The following NLGN1 variants were observed in gnomAD, a reference collection of about 807,000 sequenced individuals.
NLGN1 encodes neuroligin 1, also known as neuroligin-1.
Under a neutral mutation model 65.5 loss-of-function variants are expected in NLGN1, and 12 were observed. The ratio of observed to expected loss-of-function variants is 0.18; its 90% confidence interval spans 0.12 to 0.30. The LOEUF is 0.30. Among genes scored for constraint, NLGN1 ranks in the 10% least tolerant of loss-of-function variants. The pLI, the probability that NLGN1 is intolerant of heterozygous loss-of-function variation, is 1.00. For synonymous variants in NLGN1, 350 were observed against 359.5 expected (o/e 0.97, Z 0.30); for missense variants, 750 against 1,007.1 (o/e 0.74, Z 3.46).
intron 4 of NLGN1, among the ~76,000 whole-genome samples, chr3:173,956,876 G>A (rs1712201085): frequency 6.6e-6 from 1 of 152,012 alleles, no homozygotes; most frequent in African/African-American, 2.4e-5. Flanking sequence ...CTATAGAGAT[G>A]GGAAAATTTA....
rs548272082 is a variant in NLGN1 at position 173,940,358 on chromosome 3, G to A, written c.646+132526G>A. 7.2e-5 allele frequency among the ~76,000 whole-genome samples: 11 copies of A among 151,904 alleles called. No homozygotes were observed. In the South Asian group the frequency reaches 1.5e-3, roughly 20 times the overall value. On this transcript the variant is annotated intron_variant, in intron 4 of 6. Coordinates refer to ENST00000457714, the Ensembl canonical transcript of NLGN1. ...CCTGCCTCGGCCTCCCAAAGCACTGGGATTACAGGCATGAGCTACCATGCC... is the reference window on the plus strand; with the variant it reads ...CCTGCCTCGGCCTCCCAAAGCACTGAGATTACAGGCATGAGCTACCATGCC...
chr3:174,237,809 A>G (rs7633946), intron 4 of NLGN1, among the ~76,000 whole-genome samples: 55,413 of 152,018 alleles, frequency 0.36, 12,347 homozygotes, highest in African/African-American at 0.63. Flanking sequence ...TGCCTGCTTC[A>G]GCCTCCCAAA....
At chr3:173,939,304 A>G (rs1340648499) in intron 4 of NLGN1, among the ~76,000 whole-genome samples, 1 of 152,156 alleles carries the variant, frequency 6.6e-6, no homozygotes. Context: ...TTATCCCTTC[A>G]ACTGAAAAGA....
chr3:173,476,312 T>C (rs1033975901), intron 2 of NLGN1, among the ~76,000 whole-genome samples: 3 of 152,260 alleles, frequency 2.0e-5, no homozygotes, highest in Non-Finnish European at 4.4e-5. Flanking sequence ...TGAGTTTCCT[T>C]ATATTATTCT....
At chr3:173,596,143 G>A (rs748326224) in intron 2 of NLGN1, among the ~76,000 whole-genome samples, 24 of 151,928 alleles carry the variant, frequency 1.6e-4, no homozygotes, top group Non-Finnish European at 2.4e-4. Context: ...TTAATGTTAA[G>A]TTTTAGTTGG....
At chr3:174,289,959 A>ATATATATGTATATATATATGTGTG (rs1577845543), downstream of NLGN1, among the ~76,000 whole-genome samples, 1 of 130,150 alleles carries the variant, frequency 7.7e-6, no homozygotes, top group African/African-American at 3.6e-5. Context: ...ATATGTGTAT[A>ATATATATGTATATATATATGTGTG]TATATATATG....
intron 2 of NLGN1, among the ~76,000 whole-genome samples, chr3:173,529,141 C>T (rs1026121842): frequency 2.0e-5 from 3 of 152,114 alleles, no homozygotes; most frequent in African/African-American, 4.8e-5. Context: ...TCCCACCCCA[C>T]CTTGAGGATG....
chr3:173,688,739 A>G (rs941706023), intron 3 of NLGN1, among the ~76,000 whole-genome samples: 2 of 152,222 alleles, frequency 1.3e-5, no homozygotes, highest in African/African-American at 4.8e-5. Flanking sequence ...ATATGTTTTC[A>G]AGCTTAGGTA....
chr3:173,877,481 A>G lies in NLGN1; in HGVS notation c.646+69649A>G, dbSNP rs772001330. 4.2e-4 allele frequency among the ~76,000 whole-genome samples: 63 copies of G among 151,176 alleles called. 2 individuals carry two copies. The highest frequency in any genetic ancestry group is 2.6e-4 in the Admixed American group (4 of 15,200). ...GGTCCCAGATTAAATCCTAAAACAGAGAAAAAAAAAAAGTGAAAAAAACCC... is the reference window on the plus strand; with the variant it reads ...GGTCCCAGATTAAATCCTAAAACAGGGAAAAAAAAAAAGTGAAAAAAACCC... On this transcript the variant is annotated intron_variant, in intron 4 of 6. Coordinates refer to ENST00000457714, the Ensembl canonical transcript of NLGN1.
chr3:173,879,649 T>TTA lies in NLGN1; in HGVS notation c.646+71817_646+71818insTA, dbSNP rs1553878691. 9.9e-5 allele frequency among the ~76,000 whole-genome samples: 15 copies of TTA among 152,060 alleles called. No homozygotes were observed. The South Asian group carries it at 2.5e-3, about 25-fold the overall frequency. On this transcript the variant is annotated intron_variant, in intron 4 of 6. Transcript: ENST00000457714. ...ACTTTTTTCTGTGTGTTTTTTTTTT[T>TTA]ATCTAATTTGGATTATATTCTGGGC...
intron 3 of NLGN1, among the ~76,000 whole-genome samples, chr3:173,743,295 G>A (rs1369815825): frequency 6.6e-6 from 1 of 152,032 alleles, no homozygotes; most frequent in South Asian, 2.1e-4. Flanking sequence ...TAACATGTAC[G>A]GAATTCTGAG....
At chr3:174,272,969 G>A (rs1749754748) in intron 4 of NLGN1, among the ~76,000 whole-genome samples, 1 of 149,722 alleles carries the variant, frequency 6.7e-6, no homozygotes, top group Non-Finnish European at 1.5e-5. Flanking sequence ...TCTTTAGACT[G>A]TATATAAAGT....
chr3:174,204,508 A>G (rs1426534340), intron 4 of NLGN1, among the ~76,000 whole-genome samples: 1 of 152,172 alleles, frequency 6.6e-6, no homozygotes, highest in Non-Finnish European at 1.5e-5. Flanking sequence ...TTCTCAGTAG[A>G]GTGTGTCAGA....
At chr3:173,459,250 C>T (rs1576793221) in intron 2 of NLGN1, among the ~76,000 whole-genome samples, 1 of 152,046 alleles carries the variant, frequency 6.6e-6, no homozygotes, top group East Asian at 1.9e-4. Flanking sequence ...AATGAATGCA[C>T]AAATACCTTT....
intron 4 of NLGN1, among the ~76,000 whole-genome samples, chr3:174,145,311 G>A (rs528434198): frequency 1.3e-5 from 2 of 152,080 alleles, no homozygotes; most frequent in African/African-American, 4.8e-5. Context: ...TCAAGAGACC[G>A]AGACCATCCT....
chr3:173,629,266 C>A (rs1356230111), intron 3 of NLGN1, among the ~76,000 whole-genome samples: 1 of 151,812 alleles, frequency 6.6e-6, no homozygotes, highest in Non-Finnish European at 1.5e-5. Flanking sequence ...ATTAGGCTGG[C>A]AAACACCATC....
chr3:173,999,202 A>T (rs1308956012), intron 4 of NLGN1, among the ~76,000 whole-genome samples: 2 of 152,158 alleles, frequency 1.3e-5, no homozygotes, highest in Non-Finnish European at 2.9e-5. Flanking sequence ...TAAAAGTCTC[A>T]TCCATTTTCA....
chr3:173,520,128 C>A (rs1347472106), intron 2 of NLGN1, among the ~76,000 whole-genome samples: 1 of 152,180 alleles, frequency 6.6e-6, no homozygotes, highest in African/African-American at 2.4e-5. Context: ...TCCCCTTTGC[C>A]TTCTGCCATG....
intron 4 of NLGN1, among the ~76,000 whole-genome samples, chr3:174,255,091 G>A (rs2152848077): frequency 1.3e-5 from 2 of 151,488 alleles, no homozygotes; most frequent in South Asian, 4.2e-4. Context: ...TAAACTGGGT[G>A]TTTAGAGGAA....
Sources: gnomAD v4.1 joint callset for allele counts (sites outside exome capture counted in the v4.1 genomes callset) on GRCh38, gnomAD v4.1.1 for gene constraint, MANE v1.5 for transcripts, NCBI Gene and HGNC (gene_info 2026-07-23, HGNC 2026-07-21) for gene names.